BNC2: variants seen among roughly 807,000 people sequenced by gnomAD.
BNC2 encodes basonuclin zinc finger protein 2.
Under a neutral mutation model 76.3 loss-of-function variants are expected in BNC2, and 20 were observed. That is an observed-to-expected ratio of 0.26 (90% CI 0.18 to 0.38). The LOEUF (loss-of-function observed/expected upper bound fraction) is 0.38. Among genes scored for constraint, BNC2 ranks in the 10% least tolerant of loss-of-function variants. The pLI is 1.00. For missense variants in BNC2, 1,382 were observed against 1,399.8 expected (o/e 0.99, Z 0.20); for synonymous variants, 582 against 514.8 (o/e 1.13, Z -1.77).
intron 3 of BNC2, among the ~76,000 whole-genome samples, chr9:16,665,628 G>C (rs139472061): frequency 6.6e-6 from 1 of 152,132 alleles, no homozygotes; most frequent in East Asian, 1.9e-4. Flanking sequence ...TATTTGACTA[G>C]CATCATGAAT....
intron 1 of BNC2, among the ~76,000 whole-genome samples, chr9:16,856,443 T>A (rs1241149447): frequency 6.6e-6 from 1 of 152,200 alleles, no homozygotes; most frequent in African/African-American, 2.4e-5. Flanking sequence ...AAATATTTCT[T>A]ATTTATTTTT....
At chr9:16,866,027 G>C (rs1482978461) in intron 1 of BNC2, among the ~76,000 whole-genome samples, 2 of 152,008 alleles carry the variant, frequency 1.3e-5, no homozygotes, top group East Asian at 3.9e-4. Context: ...GACAAATCTG[G>C]GTAGTTTATC....
intron 5 of BNC2, among the ~76,000 whole-genome samples, chr9:16,455,954 T>C (rs1441802038): frequency 1.3e-5 from 2 of 152,226 alleles, no homozygotes; most frequent in Non-Finnish European, 2.9e-5. Flanking sequence ...TTCCAACTTT[T>C]ATAATTAGTG....
At chr9:16,680,375 A>G (rs1170873707) in intron 3 of BNC2, among the ~76,000 whole-genome samples, 1 of 152,124 alleles carries the variant, frequency 6.6e-6, no homozygotes, top group Non-Finnish European at 1.5e-5. Flanking sequence ...GAATTCAGAA[A>G]TAATAATTAT....
At chr9:16,578,451 C>G (rs911207084) in intron 4 of BNC2, among the ~76,000 whole-genome samples, 1 of 152,042 alleles carries the variant, frequency 6.6e-6, no homozygotes, top group Non-Finnish European at 1.5e-5. Flanking sequence ...CAGCAAACTC[C>G]TATTGGTAAT....
chr9:16,641,393 G>A (rs1364253422), intron 3 of BNC2, among the ~76,000 whole-genome samples: 2 of 152,078 alleles, frequency 1.3e-5, no homozygotes, highest in Non-Finnish European at 2.9e-5. Flanking sequence ...CCCATGTCTG[G>A]GAAACACAAA....
At position 16,838,812 on chromosome 9, in the gene BNC2, G is replaced by A. The variant is rs188291290; in HGVS notation, c.3+31834C>T. The stretch of plus-strand genomic sequence containing the variant: ...TATTTATAGTGTACTTATTGTATGC[G>A]TGGCTTATGCTAGGTTGGGTGATTC... On this transcript the variant is annotated intron_variant, in intron 1 of 6. Transcript: ENST00000380672. Among the ~76,000 whole-genome samples, 18 of 152,242 alleles carry A rather than the reference G, an allele frequency of 1.2e-4. No individual in the cohort carries two copies. In the East Asian group the frequency reaches 1.5e-3, roughly 13 times the overall value.
intron 6 of BNC2, among the ~76,000 whole-genome samples, chr9:16,427,380 T>C (rs7026798): frequency 0.6 from 91,197 of 152,092 alleles, 30,448 homozygotes; most frequent in African/African-American, 0.9. Context: ...ATATGTGTGT[T>C]TCCAGCAGTT....
Position 16,616,837 on chromosome 9 carries a change from A to AAGGAAGGAAGGAAGGAAGGAAGGC in BNC2, c.331-33753_331-33752insGCCTTCCTTCCTTCCTTCCTTCCT, listed in dbSNP as rs1431416345. On this transcript the variant is annotated intron_variant, in intron 3 of 6. Transcript: ENST00000380672. Reference sequence around the variant, plus strand: ...GAAGGAAGAAAGGAAGGAAGGAAGGAAGTTCTACTGACACGTGGGAATTTC... The same window carrying AAGGAAGGAAGGAAGGAAGGAAGGC: ...GAAGGAAGAAAGGAAGGAAGGAAGGAAGGAAGGAAGGAAGGAAGGAAGGCAGTTCTACTGACACGTGGGAATTTC... Among the ~76,000 whole-genome samples, 390 of 150,028 alleles carry AAGGAAGGAAGGAAGGAAGGAAGGC rather than the reference A, an allele frequency of 2.6e-3. 2 individuals are homozygous for AAGGAAGGAAGGAAGGAAGGAAGGC. Among genetic ancestry groups the AAGGAAGGAAGGAAGGAAGGAAGGC allele is most frequent in the African/African-American group, 7.9e-3 (324 of 40,996 alleles).
intron 3 of BNC2, among the ~76,000 whole-genome samples, chr9:16,640,950 A>C (rs1821476795): frequency 6.6e-6 from 1 of 152,210 alleles, no homozygotes; most frequent in African/African-American, 2.4e-5. Flanking sequence ...GTACGTTCAC[A>C]GCTCTAGAAA....
At chr9:16,669,899 T>C (rs1179773938) in intron 3 of BNC2, among the ~76,000 whole-genome samples, 1 of 152,198 alleles carries the variant, frequency 6.6e-6, no homozygotes, top group Non-Finnish European at 1.5e-5. Context: ...TGTGGTTTCA[T>C]CTCCTCTGCA....
chr9:16,517,610 T>C (rs1238655041), intron 5 of BNC2, among the ~76,000 whole-genome samples: 5 of 152,158 alleles, frequency 3.3e-5, no homozygotes, highest in Non-Finnish European at 7.3e-5. Flanking sequence ...TAAGTAAATG[T>C]ACAAACCTGA....
At chr9:16,550,861 G>A (rs911490404) in intron 5 of BNC2, among the ~76,000 whole-genome samples, 2 of 152,118 alleles carry the variant, frequency 1.3e-5, no homozygotes, top group Non-Finnish European at 2.9e-5. Flanking sequence ...ACTGTAAGAG[G>A]TTTTTCTCTT....
intron 5 of BNC2, among the ~76,000 whole-genome samples, chr9:16,525,408 G>T (rs754238382): frequency 6.6e-6 from 1 of 151,966 alleles, no homozygotes; most frequent in African/African-American, 2.4e-5. Context: ...AAAATGAAAC[G>T]GATTTACAAC....
chr9:16,737,979 A>G (rs1452283675), intron 2 of BNC2, among the ~76,000 whole-genome samples: 1 of 152,160 alleles, frequency 6.6e-6, no homozygotes, highest in Non-Finnish European at 1.5e-5. Flanking sequence ...CTTCAGTTTT[A>G]AAAGTTTACT....
rs762497529 is a variant in BNC2, at chr9:16,781,557, G to A, written c.4-43072C>T. ...GGGGTTTCGTTGTGTTGCCCATGCT[G>A]GTCGCGAACTCCTAAGCTCAGGCAA... On this transcript the variant is annotated intron_variant, in intron 1 of 6. Transcript: ENST00000380672. 9.2e-5 allele frequency among the ~76,000 whole-genome samples: 14 copies of A among 152,252 alleles called. No homozygotes were observed. The Middle Eastern group carries it at 0.02, about 222-fold the overall frequency.
At chr9:16,635,550 T>C (rs1192544013) in intron 3 of BNC2, among the ~76,000 whole-genome samples, 2 of 152,196 alleles carry the variant, frequency 1.3e-5, no homozygotes, top group Admixed American at 1.3e-4. Flanking sequence ...GCTATTTTAC[T>C]GGAAAGTAAC....
chr9:16,642,728 T>A (rs1025854844), intron 3 of BNC2, among the ~76,000 whole-genome samples: 1 of 152,202 alleles, frequency 6.6e-6, no homozygotes. Flanking sequence ...TTTCTTAATT[T>A]TGGCTTTCAA....
intron 3 of BNC2, among the ~76,000 whole-genome samples, chr9:16,720,897 T>C (rs535202857): frequency 5.5e-4 from 84 of 152,342 alleles, no homozygotes; most frequent in Non-Finnish European, 9.3e-4. Context: ...AGAATGACAC[T>C]GCACACTGTC....
Sources: gnomAD v4.1 joint callset for allele counts (sites outside exome capture counted in the v4.1 genomes callset) on GRCh38, gnomAD v4.1.1 for gene constraint, MANE v1.5 for transcripts, NCBI Gene and HGNC (gene_info 2026-07-23, HGNC 2026-07-21) for gene names.